The following NUDT13 variants were observed in gnomAD, a reference collection of about 807,000 sequenced individuals.
NUDT13 encodes NAD(P)H pyrophosphatase NUDT13, mitochondrial.
A neutral mutation model predicts 41.7 loss-of-function variants in NUDT13; 40 were observed. The ratio of observed to expected loss-of-function variants is 0.96; its 90% CI spans 0.75 to 1.25. NUDT13 has a LOEUF of 1.25. Ranked by LOEUF, NUDT13 falls within the 50% of genes most tolerant of loss-of-function variation. The pLI, the probability that NUDT13 is intolerant of heterozygous loss-of-function variation, is 0.00. For synonymous variants in NUDT13, 145 were observed against 155.5 expected (o/e 0.93, Z 0.50); for missense variants, 390 against 416.1 (o/e 0.94, Z 0.55).
intron 2 of NUDT13, among the ~76,000 whole-genome samples, chr10:73,117,073 T>C (rs906087499): frequency 5.3e-5 from 8 of 150,140 alleles, no homozygotes; most frequent in African/African-American, 2.0e-4. Context: ...TTAGTTGATA[T>C]GGGGTTTCAC....
At chr10:73,127,655 G>A (rs7901631) in intron 8 of NUDT13, among the ~76,000 whole-genome samples, 23,691 of 150,162 alleles carry the variant, frequency 0.16, 3,107 homozygotes, top group African/African-American at 0.34. Flanking sequence ...TTATCAAACC[G>A]TCATCACTAT....
chr10:73,123,061 C>T (rs1353518357), intron 4 of NUDT13, among the ~76,000 whole-genome samples: 4 of 151,636 alleles, frequency 2.6e-5, no homozygotes, highest in Non-Finnish European at 5.9e-5. Context: ...CCACCATGCC[C>T]GGCTAGTTTT....
chr10:73,119,848 A>G (rs534063962), intron 2 of NUDT13, among the ~76,000 whole-genome samples, 170 bp from the exon 3 acceptor site: 1 of 152,320 alleles, frequency 6.6e-6, no homozygotes, highest in Non-Finnish European at 1.5e-5. Context: ...GAGGGAATGA[A>G]TGATTATCTA....
intron 7 of NUDT13, 84 bp downstream of exon 7, chr10:73,125,593 G>A: frequency 1.2e-6 from 1 of 835,434 alleles, no homozygotes; most frequent in Non-Finnish European, 1.8e-6. Flanking sequence ...TTGCTATAGA[G>A]CTTGAATTCC....
In NUDT13 at chr10:73,122,158, C is replaced by A. The variant is rs200596677; in HGVS notation, c.224-17C>A. ...CCTTGTGTTTTGCTTTTCTCCCTTC[C>A]CCTTTCTGTTTCTTAGAGTTGGAAA... is the stretch of plus-strand genomic sequence containing the variant. On this transcript the variant is annotated splice_polypyrimidine_tract_variant and intron_variant, in intron 3 of 8. Coordinates refer to ENST00000357321, the MANE Select transcript of NUDT13 (RefSeq NM_015901.6). 3.1e-6 allele frequency: 5 copies of A among 1,609,268 alleles called. No homozygotes were observed. In the Admixed American group the frequency reaches 8.5e-5, roughly 27 times the overall value.
At position 73,125,431 on chromosome 10, in the gene NUDT13, G is replaced by A. The variant is rs1477272853; in HGVS notation, c.625G>A (p.Gly209Arg). Reference protein sequence around the residue: ...APVAITLVSDGTRCLLARQSS... With the variant: ...APVAITLVSDRTRCLLARQSS... The stretch of plus-strand genomic sequence containing the variant: ...TGTGGCGATCACGCTGGTGTCAGAT[G>A]GGACCCGATGCCTGCTTGCCCGCCA... Residue 209 changes from glycine to arginine, a missense_variant, in exon 7 of 9, where the codon GGG (glycine) becomes AGG (arginine). Transcript: ENST00000357321. The A allele has an allele frequency of 6.2e-7, 1 of 1,613,486 alleles. No homozygotes were observed. The highest frequency in any genetic ancestry group is 1.7e-5 in the Admixed American group (1 of 59,938).
chr10:73,120,528 CTG>C (rs202058010), intron 3 of NUDT13, among the ~76,000 whole-genome samples: 1,882 of 152,302 alleles, frequency 0.012, 42 homozygotes, highest in African/African-American at 0.043. Flanking sequence ...GTGACAGAGA[CTG>C]TATGACTCAC....
rs148629802 is a variant in NUDT13, at chr10:73,124,320, G to A, written c.465G>A (p.Thr155=). 1.1e-5 allele frequency: 17 copies of A among 1,600,782 alleles called. No homozygotes were observed. Among genetic ancestry groups the A allele is most frequent in the Admixed American group, 3.3e-5 (2 of 59,954 alleles). Residue 155 remains threonine, a splice_region_variant and synonymous_variant, in exon 5 of 9, where the codon ACG becomes ACA. Coordinates refer to ENST00000357321, the MANE Select transcript of NUDT13 (RefSeq NM_015901.6). ...LNARDASLLS[T]AQALLRWHDA... Reference sequence around the variant, plus strand: ...CAAGGGATGCCTCCTTGCTGTCCACGGTAGATTCTGATTTCTCATTCTGTA... The same window carrying A: ...CAAGGGATGCCTCCTTGCTGTCCACAGTAGATTCTGATTTCTCATTCTGTA...
In NUDT13 at chr10:73,122,167, TTTC is replaced by T. The variant is rs1564651226; in HGVS notation, c.224-5_224-3del. 1.9e-6 allele frequency: 3 copies of T among 1,610,868 alleles called. No individual in the cohort carries two copies. Among genetic ancestry groups the T allele is most frequent in the East Asian group, 4.5e-5 (2 of 44,810 alleles). ...TTGCTTTTCTCCCTTCCCCTTTCTG[TTTC>T]TTAGAGTTGGAAAGGCTCCTGGGTA... On this transcript the variant is annotated splice_polypyrimidine_tract_variant and splice_region_variant and intron_variant, in intron 3 of 8. Transcript: ENST00000357321.
intron 6 of NUDT13, 42 bp downstream of exon 6, chr10:73,125,285 G>A: frequency 6.2e-7 from 1 of 1,604,214 alleles, no homozygotes; most frequent in Non-Finnish European, 8.5e-7. Flanking sequence ...AGAAGACTGT[G>A]CGCTGCTTTG....
chr10:73,130,262 A>T (rs1842884175), intron 8 of NUDT13: 1 of 151,936 alleles, frequency 6.6e-6, no homozygotes, highest in African/African-American at 2.4e-5. Flanking sequence ...GGAGATCGAG[A>T]CCATCCTGGC....
At chr10:73,130,461 T>TAA (rs10539030) in intron 8 of NUDT13, 20 of 147,184 alleles carry the variant, frequency 1.4e-4, no homozygotes, top group Non-Finnish European at 2.0e-4. Context: ...AGACTCCGTC[T>TAA]AAAAAAAAAA....
Position 73,114,426 on chromosome 10 carries a change from T to TCAA in NUDT13, c.63_65dup (p.Thr22dup). On this transcript the variant is annotated inframe_insertion, in exon 2 of 9. Coordinates refer to ENST00000357321, the MANE Select transcript of NUDT13 (RefSeq NM_015901.6). ...ATTTTTTTGGTGCTATAGGCTGCTG[T>TCAA]CAACCTATGTTACTAAGACACGGTG... The TCAA allele has an allele frequency of 6.3e-7, 1 of 1,590,164 alleles. No individual in the cohort carries two copies. The highest frequency in any genetic ancestry group is 8.6e-7 in the Non-Finnish European group (1 of 1,164,632).
At chr10:73,126,410 G>A (rs1342765428) in intron 7 of NUDT13, among the ~76,000 whole-genome samples, 1 of 152,158 alleles carries the variant, frequency 6.6e-6, no homozygotes, top group Non-Finnish European at 1.5e-5. Flanking sequence ...TGCAAATGGT[G>A]AAAAGTGGAA....
intron 7 of NUDT13, chr10:73,126,136 AC>A: frequency 3.7e-6 from 1 of 273,398 alleles, no homozygotes; most frequent in South Asian, 5.2e-5. Flanking sequence ...CATCACATTG[AC>A]CCCAGATTCC....
At position 73,125,450 on chromosome 10, in the gene NUDT13, C is replaced by G. The variant is rs996217400; in HGVS notation, c.644C>G (p.Ala215Gly). 1 of 1,612,392 alleles carries G rather than the reference C, an allele frequency of 6.2e-7. No individual in the cohort carries two copies. The highest frequency in any genetic ancestry group is 1.7e-5 in the Admixed American group (1 of 59,830). Residue 215 changes from alanine to glycine, a missense_variant, in exon 7 of 9, where the codon GCC becomes GGC. Transcript: ENST00000357321. ...LVSDGTRCLL[A>G]RQSSFPKGMY... ...TCAGATGGGACCCGATGCCTGCTTG[C>G]CCGCCAAAGCTCCTTTCCCAAGGGA...
intron 3 of NUDT13, among the ~76,000 whole-genome samples, chr10:73,120,721 G>A (rs1165173299): frequency 6.6e-6 from 1 of 150,982 alleles, no homozygotes; most frequent in Non-Finnish European, 1.5e-5. Context: ...GGCAGATCAC[G>A]AGGTCAAGAG....
intron 3 of NUDT13, among the ~76,000 whole-genome samples, chr10:73,121,864 C>A (rs1842652925): frequency 6.6e-6 from 1 of 151,776 alleles, no homozygotes; most frequent in Non-Finnish European, 1.5e-5. Flanking sequence ...TTTTCAATGA[C>A]TTAATAAGTT....
At chr10:73,129,021 G>A (rs1436842239) in intron 8 of NUDT13, among the ~76,000 whole-genome samples, 2 of 152,124 alleles carry the variant, frequency 1.3e-5, no homozygotes, top group Non-Finnish European at 2.9e-5. Context: ...GGAGTTAAGA[G>A]TGTCTTACAT....
Sources: allele counts gnomAD v4.1 joint callset (sites outside exome capture counted in the v4.1 genomes callset), GRCh38; gene constraint gnomAD v4.1.1; transcripts MANE v1.5; gene names NCBI Gene and HGNC (gene_info 2026-07-23, HGNC 2026-07-21).